Variants in IL3RA observed in about 807,000 individuals in gnomAD.
IL3RA encodes interleukin 3 receptor subunit alpha, also known as interleukin-3 receptor subunit alpha.
IL3RA carries 73 observed loss-of-function variants against 52.3 expected under a neutral mutation model. The ratio of observed to expected loss-of-function variants is 1.40; its 90% CI spans 1.16 to 1.70. IL3RA has a LOEUF of 1.70. IL3RA is among the 40% of genes most tolerant of loss of function. The pLI is 0.00. For synonymous variants in IL3RA, 260 were observed against 194.0 expected (o/e 1.34, Z -2.83); for missense variants, 664 against 504.4 (o/e 1.32, Z -3.03).
At chrX:1,347,992 G>C (rs368170023) in intron 3 of IL3RA, among the ~76,000 whole-genome samples, 2 of 122,856 alleles carry the variant, frequency 1.6e-5, no homozygotes, top group South Asian at 2.8e-4. Context: ...AGCCGAGATC[G>C]CGCCCCTGCA....
chrX:1,361,213 GTCTCTCCCTTTC>G lies in IL3RA; in HGVS notation c.759+2335_759+2346del, dbSNP rs2087319903. ...TCTCTCTCCATTCCCCTGTCTCTAT[GTCTCTCCCTTTC>G]TCTCTCCCATTATTTCTCTGTGATT... On this transcript the variant is annotated intron_variant, in intron 8 of 11. Coordinates refer to ENST00000331035, the MANE Select transcript of IL3RA (RefSeq NM_002183.4). Among the ~76,000 whole-genome samples, 2 of 142,120 alleles carry G rather than the reference GTCTCTCCCTTTC, an allele frequency of 1.4e-5. 1 individual carries two copies. Among genetic ancestry groups the G allele is most frequent in the African/African-American group, 5.3e-5 (2 of 37,528 alleles). The allele number at this position is 142,120 out of a possible 152,430, so 93.2% of individuals were successfully genotyped here. A position where few individuals can be genotyped will look rare whatever the true frequency, so the allele number is the denominator to read the frequency against.
At position 1,365,269 on chromosome X, in the gene IL3RA, G is replaced by C. The variant is rs1569526117; in HGVS notation, c.874+17G>C. 6.4e-7 allele frequency: 1 copy of C among 1,562,224 alleles called. No individual in the cohort carries two copies. Among genetic ancestry groups the C allele is most frequent in the Non-Finnish European group, 8.7e-7 (1 of 1,146,382 alleles). ...AGCGCTTCGGTGAGTGGGCTGTGCGGGGTGCGCGGGGTGAGCGGGGTGAGC... is the reference window on the plus strand; with the variant it reads ...AGCGCTTCGGTGAGTGGGCTGTGCGCGGTGCGCGGGGTGAGCGGGGTGAGC... On this transcript the variant is annotated intron_variant, in intron 9 of 11. Transcript: ENST00000331035.
chrX:1,350,422 T>C (rs1261418077), intron 4 of IL3RA, among the ~76,000 whole-genome samples: 1 of 151,758 alleles, frequency 6.6e-6, no homozygotes, highest in East Asian at 1.9e-4. Context: ...AAACCCCATC[T>C]CTACTAAAAA....
chrX:1,350,406 A>C (rs2086030068), intron 4 of IL3RA, among the ~76,000 whole-genome samples: 1 of 152,040 alleles, frequency 6.6e-6, no homozygotes, highest in Non-Finnish European at 1.5e-5. Flanking sequence ...CCTGGCTAAC[A>C]TGGTGAAACC....
intron 3 of IL3RA, among the ~76,000 whole-genome samples, chrX:1,346,390 G>C (rs1444449102): frequency 6.6e-6 from 1 of 151,926 alleles, no homozygotes; most frequent in South Asian, 2.1e-4. Flanking sequence ...ATTGAGCCGA[G>C]ACTGTGCCAC....
chrX:1,344,898 C>G (rs1190706599), intron 2 of IL3RA, among the ~76,000 whole-genome samples: 1 of 149,564 alleles, frequency 6.7e-6, no homozygotes, highest in Non-Finnish European at 1.5e-5. Context: ...TGCGGTGGCT[C>G]ATGCCTGTAA....
intron 10 of IL3RA, among the ~76,000 whole-genome samples, chrX:1,379,766 CCTT>C (rs778528223): frequency 6.6e-6 from 1 of 152,266 alleles, no homozygotes; most frequent in South Asian, 2.1e-4. Flanking sequence ...GGTCCTGTCT[CCTT>C]TTTTTTAGAG....
At chrX:1,356,793 G>T (rs780243899) in intron 7 of IL3RA, among the ~76,000 whole-genome samples, 1 of 151,704 alleles carries the variant, frequency 6.6e-6, no homozygotes, top group Admixed American at 6.6e-5. Context: ...AAAAGTTTGA[G>T]ACTGTATGTG....
rs763371047 is a variant in IL3RA at position 1,345,444 on chromosome X, ACT to A, written c.183+15_183+16del. On this transcript the variant is annotated intron_variant, in intron 3 of 11. Transcript: ENST00000331035. Reference sequence around the variant, plus strand: ...CGACTATTCTATGCCGGTAAATCATACTCTCTATTGTTTTTTTATTTTTATTT... The same window carrying A: ...CGACTATTCTATGCCGGTAAATCATACTCTATTGTTTTTTTATTTTTATTT... The A allele has an allele frequency of 3.4e-6, 5 of 1,483,426 alleles. No individual in the cohort carries two copies. The African/African-American group carries it at 5.7e-5, about 17-fold the overall frequency. The allele number at this position is 1,483,426 out of a possible 1,614,324, so 91.9% of individuals were successfully genotyped here.
chrX:1,345,351 G>A lies in IL3RA; in HGVS notation c.100G>A (p.Ala34Thr). Residue 34 changes from alanine to threonine, a missense_variant, in exon 3 of 12, where the codon GCA (alanine) becomes ACA (threonine). Transcript: ENST00000331035. ...NPPITNLRMK[A>T]KAQQLTWDLN... ...ACCAATCACGAACCTAAGGATGAAA[G>A]CAAAGGCTCAGCAGTTGACCTGGGA... The A allele has an allele frequency of 6.2e-7, 1 of 1,611,320 alleles. No individual in the cohort carries two copies. The highest frequency in any genetic ancestry group is 1.1e-5 in the South Asian group (1 of 90,812).
At chrX:1,347,771 G>A (rs1182017666) in intron 3 of IL3RA, among the ~76,000 whole-genome samples, 1 of 151,974 alleles carries the variant, frequency 6.6e-6, no homozygotes, top group African/African-American at 2.4e-5. Context: ...GGGCGCGGTG[G>A]CTCACGCCTG....
intron 6 of IL3RA, among the ~76,000 whole-genome samples, chrX:1,354,968 TG>T (rs201284053): frequency 0.014 from 4 of 296 alleles, no homozygotes; most frequent in African/African-American, 0.062. Context: ...AGAGGAGGAC[TG>T]GGGGGAGGAA....
At chrX:1,345,643 C>T (rs746824694) in intron 3 of IL3RA, among the ~76,000 whole-genome samples, 2 of 151,664 alleles carry the variant, frequency 1.3e-5, no homozygotes. Context: ...GCGCCCGCCA[C>T]CATGCCCGGC....
In IL3RA at chrX:1,352,383, T is replaced by G. The variant is rs1243534387; in HGVS notation, c.493T>G (p.Cys165Gly). 1 of 1,613,732 alleles carries G rather than the reference T, an allele frequency of 6.2e-7. No individual in the cohort carries two copies. Among genetic ancestry groups the G allele is most frequent in the Non-Finnish European group, 8.5e-7 (1 of 1,179,852 alleles). Residue 165 changes from cysteine (C) to glycine (G), a missense_variant, in exon 6 of 12, where the codon TGT (cysteine) becomes GGT (glycine). Cys to Gly is a radical substitution (Grantham distance 159). Transcript: ENST00000331035. ...GGATGCTCAGGGAACACGTATCGGG[T>G]GTCGTTTCGATGACATCTCTCGACT... ...KTDAQGTRIGCRFDDISRLSS... is the reference protein window; with the variant it reads ...KTDAQGTRIGGRFDDISRLSS...
chrX:1,379,502 A>G (rs1464451770), intron 10 of IL3RA, among the ~76,000 whole-genome samples: 1 of 152,140 alleles, frequency 6.6e-6, no homozygotes, highest in African/African-American at 2.4e-5. Flanking sequence ...CCTCTCTGCT[A>G]GCTGCCCCCT....
chrX:1,359,891 T>C (rs1198130174), intron 8 of IL3RA, among the ~76,000 whole-genome samples: 1 of 136,606 alleles, frequency 7.3e-6, no homozygotes, highest in Admixed American at 7.3e-5. Flanking sequence ...CCTTCTCCAT[T>C]TCTCCCTCCA....
chrX:1,382,511 C>T lies in IL3RA; in HGVS notation c.*46C>T, dbSNP rs370113088. On this transcript the variant is annotated 3_prime_UTR_variant, in exon 12 of 12. Transcript: ENST00000331035. ...GGGGGTCTGCCTCAATCTCCCTGGC[C>T]GGGCCAGGCGCCTGCACAGACTGGC... 35 of 1,573,728 alleles carry T rather than the reference C, an allele frequency of 2.2e-5. No individual in the cohort carries two copies. The highest frequency in any genetic ancestry group is 9.0e-5 in the East Asian group (4 of 44,670).
At chrX:1,349,426 C>T (rs762144478) in intron 4 of IL3RA, among the ~76,000 whole-genome samples, 4 of 151,932 alleles carry the variant, frequency 2.6e-5, no homozygotes, top group South Asian at 2.1e-4. Context: ...GTGATCTGCC[C>T]GCCTCGGCCT....
intron 1 of IL3RA, among the ~76,000 whole-genome samples, chrX:1,339,254 T>C (rs2085402049): frequency 1.3e-5 from 2 of 152,208 alleles, no homozygotes; most frequent in South Asian, 2.1e-4. Flanking sequence ...GGTGAGCCCA[T>C]GAGCTGAACA....
Sources: allele counts gnomAD v4.1 joint callset (sites outside exome capture counted in the v4.1 genomes callset), GRCh38; gene constraint gnomAD v4.1.1; transcripts MANE v1.5; gene names NCBI Gene and HGNC (gene_info 2026-07-23, HGNC 2026-07-21).